Variants in CLIP2 observed in about 807,000 individuals in gnomAD.
The protein encoded by CLIP2 is CAP-Gly domain containing linker protein 2, also known as CAP-Gly domain-containing linker protein 2.
In CLIP2, 41 loss-of-function variants were observed where a neutral mutation model predicts 111.7. The ratio of observed to expected loss-of-function variants is 0.37; its 90% CI spans 0.29 to 0.48. CLIP2 has a LOEUF of 0.48. CLIP2 is among the 20% of genes least tolerant of loss of function. The pLI is 0.99. For synonymous variants in CLIP2, 660 were observed against 644.2 expected (o/e 1.02, Z -0.37); for missense variants, 1,160 against 1,422.1 (o/e 0.82, Z 2.96).
At chr7:74,358,951 G>A (rs1389577329) in intron 6 of CLIP2, among the ~76,000 whole-genome samples, 6 of 151,884 alleles carry the variant, frequency 4.0e-5, no homozygotes, top group African/African-American at 7.3e-5. Flanking sequence ...GTCCCCTGTT[G>A]TTTAGATTAT....
intron 13 of CLIP2, among the ~76,000 whole-genome samples, chr7:74,392,299 C>T (rs1791311628): frequency 6.7e-6 from 1 of 149,418 alleles, no homozygotes; most frequent in African/African-American, 2.5e-5. Flanking sequence ...TGGAGTGAGC[C>T]AAGATCACGC....
intron 1 of CLIP2, among the ~76,000 whole-genome samples, chr7:74,298,195 C>CT (rs1554726321): frequency 6.7e-6 from 1 of 149,592 alleles, no homozygotes. Flanking sequence ...TATTTATTTA[C>CT]TTTTTTTTGA....
At chr7:74,305,153 G>GTCCAGCCCAGGCACTGTGCCA (rs1472246405) in intron 1 of CLIP2, among the ~76,000 whole-genome samples, 53 of 39,152 alleles carry the variant, frequency 1.4e-3, no homozygotes, top group Non-Finnish European at 1.3e-3. Context: ...TACGTTCCCT[G>GTCCAGCCCAGGCACTGTGCCA]TCCAGCCCAG....
chr7:74,325,486 G>T (rs538493753), intron 2 of CLIP2, among the ~76,000 whole-genome samples: 2 of 152,092 alleles, frequency 1.3e-5, no homozygotes, highest in South Asian at 2.1e-4. Flanking sequence ...AGCAGGAGTC[G>T]CCCCAGCTGC....
chr7:74,358,383 A>G lies in CLIP2; in HGVS notation c.1215+906A>G, dbSNP rs118148531. On this transcript the variant is annotated intron_variant, in intron 6 of 16. Coordinates refer to ENST00000223398, the MANE Select transcript of CLIP2 (RefSeq NM_003388.5). ...TTTATTTTTTTAAAATATTTTTAAT[A>G]TAGGGATGGGGTCATGCTGTGTTGG... 4.0e-5 allele frequency among the ~76,000 whole-genome samples: 6 copies of G among 151,434 alleles called. No homozygotes were observed. In the East Asian group the frequency reaches 7.8e-4, roughly 20 times the overall value.
intron 5 of CLIP2, among the ~76,000 whole-genome samples, chr7:74,357,016 G>A (rs1460030315): frequency 6.6e-6 from 1 of 152,152 alleles, no homozygotes; most frequent in Non-Finnish European, 1.5e-5. Flanking sequence ...AGTGGCCAAA[G>A]TGAGGGAGTC....
chr7:74,383,101 AT>A (rs150130890), intron 11 of CLIP2, among the ~76,000 whole-genome samples: 3 of 150,956 alleles, frequency 2.0e-5, no homozygotes, highest in Non-Finnish European at 4.4e-5. Flanking sequence ...AAAAAAAAAA[AT>A]CAATTCTTTT....
chr7:74,361,292 A>G (rs1790327009), intron 7 of CLIP2, among the ~76,000 whole-genome samples: 1 of 145,892 alleles, frequency 6.9e-6, no homozygotes, highest in Non-Finnish European at 1.5e-5. Flanking sequence ...ATCTCGGCTC[A>G]CTGCAATCTC....
intron 1 of CLIP2, among the ~76,000 whole-genome samples, chr7:74,301,067 T>C (rs1384243756): frequency 6.6e-6 from 1 of 152,206 alleles, no homozygotes; most frequent in Non-Finnish European, 1.5e-5. Context: ...ACGCGTTCCC[T>C]TTCCTCCACA....
At chr7:74,360,708 G>A (rs897309648) in intron 7 of CLIP2, among the ~76,000 whole-genome samples, 3 of 151,996 alleles carry the variant, frequency 2.0e-5, no homozygotes, top group African/African-American at 7.2e-5. Flanking sequence ...CCCCCACCAC[G>A]CCTGGTTAAT....
At chr7:74,306,942 C>A (rs1370181669) in intron 1 of CLIP2, among the ~76,000 whole-genome samples, 1 of 152,238 alleles carries the variant, frequency 6.6e-6, no homozygotes, top group African/African-American at 2.4e-5. Flanking sequence ...CCTCCCACGT[C>A]GGCCACAGTG....
At chr7:74,290,939 C>T (rs1554725283) in intron 1 of CLIP2, among the ~76,000 whole-genome samples, 2 of 152,056 alleles carry the variant, frequency 1.3e-5, no homozygotes, top group South Asian at 2.1e-4. Context: ...AGGGGGTCCC[C>T]TGGAGGATGG....
Position 74,375,882 on chromosome 7 carries a change from C to A in CLIP2, c.1486-5C>A. On this transcript the variant is annotated splice_polypyrimidine_tract_variant and splice_region_variant and intron_variant, in intron 9 of 16. Coordinates refer to ENST00000223398, the MANE Select transcript of CLIP2 (RefSeq NM_003388.5). ...GCTGATCCCTGTCTCCCTCTCTCCC[C>A]ACAGCTGACCACAGTGGCCGAGAAG... 1 of 1,527,758 alleles carries A rather than the reference C, an allele frequency of 6.5e-7. No homozygotes were observed. Among genetic ancestry groups the A allele is most frequent in the Admixed American group, 2.0e-5 (1 of 48,990 alleles). 94.6% of individuals were successfully genotyped at this position (1,527,758 alleles called of 1,614,324 possible).
At chr7:74,307,529 C>T (rs1042685003) in intron 1 of CLIP2, among the ~76,000 whole-genome samples, 3 of 152,094 alleles carry the variant, frequency 2.0e-5, no homozygotes, top group African/African-American at 7.2e-5. Context: ...GTCGATCTGT[C>T]GCCCAGGCTG....
chr7:74,336,888 TTG>T (rs1361649174), intron 2 of CLIP2, among the ~76,000 whole-genome samples: 23 of 15,770 alleles, frequency 1.5e-3, no homozygotes, highest in East Asian at 9.4e-3. Flanking sequence ...TTTTTTTGTT[TTG>T]TTTTTTTTTT....
At chr7:74,341,565 C>T (rs1789658686) in intron 3 of CLIP2, among the ~76,000 whole-genome samples, 3 of 151,906 alleles carry the variant, frequency 2.0e-5, no homozygotes, top group Admixed American at 2.0e-4. Context: ...TCTGCCCTGC[C>T]CTGGCCATGG....
chr7:74,377,475 C>G (rs1790825959), intron 10 of CLIP2, among the ~76,000 whole-genome samples: 1 of 152,224 alleles, frequency 6.6e-6, no homozygotes, highest in Admixed American at 6.5e-5. Context: ...ACCCATCCTC[C>G]CAGCCCCTCT....
Position 74,376,733 on chromosome 7 carries a change from C to A in CLIP2, c.2332C>A (p.Gln778Lys). The change falls in exon 10 of 17, where the codon CAG becomes AAG. Residue 778 changes from glutamine to lysine, a missense_variant. Transcript: ENST00000223398. This position sits in a 1 kb window ranked among gnomAD's most constrained non-coding sequence, Gnocchi z 7.1. ...RLQRAEAQGK[Q>K]EVESLREKLL... The stretch of plus-strand genomic sequence containing the variant: ...GCAGCGGGCAGAAGCCCAGGGCAAA[C>A]AGGAGGTCGAGAGTTTGCGGGAGAA... 1 of 1,612,982 alleles carries A rather than the reference C, an allele frequency of 6.2e-7. No homozygotes were observed. Among genetic ancestry groups the A allele is most frequent in the Non-Finnish European group, 8.5e-7 (1 of 1,179,748 alleles).
chr7:74,298,355 GGT>G, intron 1 of CLIP2, among the ~76,000 whole-genome samples: 1 of 107,964 alleles, frequency 9.3e-6, no homozygotes, highest in African/African-American at 2.9e-5. Flanking sequence ...CCTGCTAATT[GGT>G]TTTTTTTTTT....
Sources: gnomAD v4.1 joint callset for allele counts (sites outside exome capture counted in the v4.1 genomes callset) on GRCh38, gnomAD v4.1.1 for gene constraint, Gnocchi (gnomAD v3.1) non-coding constraint, MANE v1.5 for transcripts, NCBI Gene and HGNC (gene_info 2026-07-23, HGNC 2026-07-21) for gene names.